Variants in CNBD1 observed in about 807,000 individuals in gnomAD.
CNBD1 encodes the protein cyclic nucleotide-binding domain-containing protein 1.
CNBD1 carries 71 observed loss-of-function variants against 54.4 expected under a neutral mutation model. The observed-to-expected ratio is 1.30, with a 90% CI of 1.08 to 1.59. The LOEUF (loss-of-function observed/expected upper bound fraction) is 1.59, where lower values mean the gene tolerates loss of function less well. Among genes scored for constraint, CNBD1 ranks in the 40% most tolerant of loss-of-function variants. The pLI, the probability that CNBD1 is intolerant of heterozygous loss-of-function variation, is 0.00. For missense variants in CNBD1, 659 were observed against 518.0 expected, an observed-to-expected ratio of 1.27 and a Z score of -2.64; for synonymous variants, 182 against 170.7, an observed-to-expected ratio of 1.07 and a Z score of -0.51.
chr8:87,099,591 A>T (rs1248188156), intron 4 of CNBD1, among the ~76,000 whole-genome samples: 2 of 152,170 alleles, frequency 1.3e-5, no homozygotes, highest in Non-Finnish European at 2.9e-5. Context: ...AGATCATTTA[A>T]TTATTTCCTA....
At chr8:87,257,856 G>A (rs1023032879) in intron 6 of CNBD1, among the ~76,000 whole-genome samples, 1 of 152,044 alleles carries the variant, frequency 6.6e-6, no homozygotes, top group Non-Finnish European at 1.5e-5. Flanking sequence ...ATTAATTTTT[G>A]TTCTACTTGG....
chr8:87,233,246 G>A (rs951126066), intron 5 of CNBD1, among the ~76,000 whole-genome samples: 2 of 152,066 alleles, frequency 1.3e-5, no homozygotes, highest in African/African-American at 4.8e-5. Context: ...GTAACACTGG[G>A]ACTAAAAATC....
intron 4 of CNBD1, among the ~76,000 whole-genome samples, chr8:86,972,720 G>A (rs1808251771): frequency 6.6e-6 from 1 of 152,120 alleles, no homozygotes; most frequent in African/African-American, 2.4e-5. Context: ...TCTAGTTTCT[G>A]GTTGGATTTA....
intron 2 of CNBD1, among the ~76,000 whole-genome samples, chr8:87,426,671 AC>A (rs1808056502): frequency 6.6e-6 from 1 of 152,180 alleles, no homozygotes; most frequent in Admixed American, 6.5e-5. Flanking sequence ...TGGCGCGGCT[AC>A]CTATCTGGTA....
chr8:87,188,422 T>G (rs982312639), intron 4 of CNBD1, among the ~76,000 whole-genome samples: 11 of 152,292 alleles, frequency 7.2e-5, no homozygotes, highest in African/African-American at 2.6e-4. Context: ...TGCACAAAAC[T>G]ATTTGCTGAA....
intron 2 of CNBD1, among the ~76,000 whole-genome samples, chr8:87,418,284 A>G (rs780883100): frequency 1.2e-4 from 18 of 152,036 alleles, no homozygotes; most frequent in Non-Finnish European, 7.4e-5. Flanking sequence ...GACAATTTCA[A>G]CAAATCGTGC....
At chr8:86,889,754 A>T (rs950134690) in intron 2 of CNBD1, among the ~76,000 whole-genome samples, 8 of 152,084 alleles carry the variant, frequency 5.3e-5, no homozygotes, top group African/African-American at 1.4e-4. Flanking sequence ...ATGAAGGCAG[A>T]TTTATTTTAT....
intron 4 of CNBD1, among the ~76,000 whole-genome samples, chr8:87,033,646 C>A (rs941557902): frequency 1.3e-4 from 20 of 152,268 alleles, no homozygotes; most frequent in African/African-American, 4.8e-4. Flanking sequence ...GCTCATTTAT[C>A]TTCCTTACTA....
chr8:86,877,037 A>C (rs1808531055), intron 1 of CNBD1, among the ~76,000 whole-genome samples: 1 of 152,062 alleles, frequency 6.6e-6, no homozygotes, highest in Admixed American at 6.6e-5. Context: ...CATATTTATA[A>C]CCTAGTATGA....
intron 4 of CNBD1, among the ~76,000 whole-genome samples, chr8:87,179,341 T>C (rs2060121): frequency 6.6e-6 from 1 of 152,318 alleles, no homozygotes; most frequent in South Asian, 2.1e-4. Flanking sequence ...TTTAAAACAT[T>C]AGATATAAGT....
intron 4 of CNBD1, among the ~76,000 whole-genome samples, chr8:87,176,146 G>A (rs1278785001): frequency 6.6e-6 from 1 of 152,208 alleles, no homozygotes; most frequent in Non-Finnish European, 1.5e-5. Context: ...ACCCTCTTCT[G>A]TGGTTCTTTG....
At chr8:87,041,454 C>A (rs937177883) in intron 4 of CNBD1, among the ~76,000 whole-genome samples, 11 of 152,054 alleles carry the variant, frequency 7.2e-5, no homozygotes, top group African/African-American at 1.9e-4. Context: ...GAAAAATGTT[C>A]TTAGATGAGA....
intron 8 of CNBD1, among the ~76,000 whole-genome samples, chr8:87,303,351 A>G (rs1809057589): frequency 1.3e-5 from 2 of 152,028 alleles, no homozygotes. Context: ...CAAACATCTG[A>G]TCTTTGACAA....
rs1406088089 is a variant in CNBD1, at chr8:87,427,798, G to T, written c.214-748G>T. On this transcript the variant is annotated intron_variant, in intron 2 of 7. Transcript: ENST00000521593. Reference sequence around the variant, plus strand: ...CTCGTCTGTCTTCAGTGCATTGGCTGTAGTCCTTGGTTTTGTTTTTTCATG... The same window carrying T: ...CTCGTCTGTCTTCAGTGCATTGGCTTTAGTCCTTGGTTTTGTTTTTTCATG... Among the ~76,000 whole-genome samples, 3 of 152,216 alleles carry T rather than the reference G, an allele frequency of 2.0e-5. No individual in the cohort carries two copies. The South Asian group carries it at 6.2e-4, about 32-fold the overall frequency.
chr8:87,385,913 A>G (rs1370721287), downstream of CNBD1, among the ~76,000 whole-genome samples: 1 of 152,140 alleles, frequency 6.6e-6, no homozygotes, highest in African/African-American at 2.4e-5. Flanking sequence ...CTCCTCTGAG[A>G]CAAAATTTCC....
chr8:87,408,512 T>A (rs761242618), intron 2 of CNBD1, among the ~76,000 whole-genome samples: 2 of 152,142 alleles, frequency 1.3e-5, no homozygotes, highest in African/African-American at 2.4e-5. Context: ...GTCATCTTTA[T>A]GAACTATTTT....
intron 4 of CNBD1, among the ~76,000 whole-genome samples, chr8:87,159,718 T>TC (rs1371638685): frequency 3.9e-5 from 6 of 152,058 alleles, no homozygotes; most frequent in Non-Finnish European, 8.8e-5. Flanking sequence ...AGGCAAGAGG[T>TC]CTACCCCTGG....
rs372425299 is a variant in CNBD1 at position 87,416,765 on chromosome 8, AATAGGGAAC to A, written c.214-11778_214-11770del. ...GCTGTGGATAAAAATTGAGGCAGATAATAGGGAACATTTTCCAATGCATTCTATGAGTAT... is the reference window on the plus strand; with the variant it reads ...GCTGTGGATAAAAATTGAGGCAGATAATTTTCCAATGCATTCTATGAGTAT... On this transcript the variant is annotated intron_variant, in intron 2 of 7. Coordinates refer to the CNBD1 transcript ENST00000521593. 3.0e-3 allele frequency among the ~76,000 whole-genome samples: 450 copies of A among 152,184 alleles called. 5 individuals carry two copies. The highest frequency in any genetic ancestry group is 9.9e-3 in the African/African-American group (412 of 41,564).
intron 4 of CNBD1, among the ~76,000 whole-genome samples, chr8:87,029,165 TTCTAC>T (rs1417521961): frequency 3.3e-5 from 5 of 152,234 alleles, no homozygotes; most frequent in African/African-American, 9.6e-5. Flanking sequence ...GATAATGTGT[TTCTAC>T]TCCAATTCCT....
Sources: allele counts gnomAD v4.1 joint callset (sites outside exome capture counted in the v4.1 genomes callset), GRCh38; gene constraint gnomAD v4.1.1; transcripts MANE v1.5; gene names NCBI Gene and HGNC (gene_info 2026-07-23, HGNC 2026-07-21).